Variants in FARS2 observed in about 807,000 individuals in gnomAD.
The protein encoded by FARS2 is phenylalanyl-tRNA synthetase 2, mitochondrial, also known as phenylalanine--tRNA ligase, mitochondrial.
A neutral mutation model predicts 46.4 loss-of-function variants in FARS2; 40 were observed. The ratio of observed to expected loss-of-function variants is 0.86; its 90% confidence interval spans 0.67 to 1.12. FARS2 has a LOEUF of 1.12. FARS2 is among the 50% of genes most tolerant of loss of function. FARS2 has a pLI of 0.00. For missense variants in FARS2, 513 were observed against 567.9 expected (o/e 0.90, Z 0.98); for synonymous variants, 234 against 214.9 (o/e 1.09, Z -0.78).
Position 5,363,538 on chromosome 6 carries a change from AAGAG to A in FARS2, c.-21-5005_-21-5002del, listed in dbSNP as rs889417316. 2.2e-4 allele frequency among the ~76,000 whole-genome samples: 34 copies of A among 152,090 alleles called. 1 individual carries two copies. Among genetic ancestry groups the A allele is most frequent in the Non-Finnish European group, 1.2e-4 (8 of 68,012 alleles). On this transcript the variant is annotated intron_variant, in intron 1 of 6. Coordinates refer to ENST00000274680, the MANE Select transcript of FARS2 (RefSeq NM_006567.5). ...ATTATGGGCATACGATGATAAATAT[AAGAG>A]AGAGAGGAGAGAAAGAGTATGTGTA...
intron 4 of FARS2, among the ~76,000 whole-genome samples, chr6:5,518,388 A>G (rs1768939601): frequency 6.6e-6 from 1 of 152,228 alleles, no homozygotes; most frequent in Non-Finnish European, 1.5e-5. Flanking sequence ...AAATGTTGAT[A>G]TAACTTGGAT....
chr6:5,353,058 A>C (rs982301129), intron 1 of FARS2, among the ~76,000 whole-genome samples: 1 of 152,142 alleles, frequency 6.6e-6, no homozygotes, highest in Non-Finnish European at 1.5e-5. Flanking sequence ...AGTCTCTCCC[A>C]ATCACACTTC....
intron 6 of FARS2, among the ~76,000 whole-genome samples, chr6:5,702,769 A>G (rs570004071): frequency 6.6e-6 from 1 of 152,154 alleles, no homozygotes; most frequent in Non-Finnish European, 1.5e-5. Context: ...GCTAACTAGG[A>G]TTTTATTTTG....
chr6:5,596,162 G>A (rs1036096512), intron 5 of FARS2, among the ~76,000 whole-genome samples: 9 of 152,180 alleles, frequency 5.9e-5, no homozygotes, highest in Non-Finnish European at 1.0e-4. Context: ...TGCCGCCACC[G>A]TTATACATTC....
chr6:5,472,435 G>T (rs1023046648), intron 4 of FARS2, among the ~76,000 whole-genome samples: 1 of 152,160 alleles, frequency 6.6e-6, no homozygotes, highest in African/African-American at 2.4e-5. Flanking sequence ...GAATGAGAAG[G>T]AGGAAAAATG....
At chr6:5,562,931 G>A (rs1772092323) in intron 5 of FARS2, among the ~76,000 whole-genome samples, 1 of 151,566 alleles carries the variant, frequency 6.6e-6, no homozygotes, top group South Asian at 2.1e-4. Context: ...AGCCTCCCGA[G>A]TAGCTGGGAT....
intron 1 of FARS2, among the ~76,000 whole-genome samples, chr6:5,354,508 G>A (rs973105935): frequency 6.6e-6 from 1 of 150,450 alleles, no homozygotes; most frequent in African/African-American, 2.5e-5. Context: ...TTCTATGCTA[G>A]TGGTTTCCTT....
At chr6:5,280,468 A>G (rs1161160864) in intron 1 of FARS2, among the ~76,000 whole-genome samples, 1 of 152,208 alleles carries the variant, frequency 6.6e-6, no homozygotes, top group Non-Finnish European at 1.5e-5. Context: ...TAACTTCGCC[A>G]TTGGAATAGA....
chr6:5,618,096 C>G (rs1482114258), intron 6 of FARS2, among the ~76,000 whole-genome samples: 1 of 152,132 alleles, frequency 6.6e-6, no homozygotes, highest in Non-Finnish European at 1.5e-5. Context: ...AACAAAGGAG[C>G]CTGGTTGTGT....
chr6:5,664,242 T>C (rs1259546856), intron 6 of FARS2, among the ~76,000 whole-genome samples: 1 of 152,216 alleles, frequency 6.6e-6, no homozygotes, highest in Non-Finnish European at 1.5e-5. Flanking sequence ...TCCCCTGTGC[T>C]GGAGAGGAGA....
At chr6:5,414,658 C>A (rs1430362626) in intron 3 of FARS2, among the ~76,000 whole-genome samples, 1 of 152,130 alleles carries the variant, frequency 6.6e-6, no homozygotes, top group East Asian at 1.9e-4. Context: ...TATTCATCCA[C>A]CTATTGTTGG....
At chr6:5,528,143 TG>T (rs2150446233) in intron 4 of FARS2, among the ~76,000 whole-genome samples, 1 of 152,290 alleles carries the variant, frequency 6.6e-6, no homozygotes, top group South Asian at 2.1e-4. Flanking sequence ...TATCTTCGTA[TG>T]TTTGTGTTTA....
intron 6 of FARS2, among the ~76,000 whole-genome samples, chr6:5,650,128 A>G (rs1033001495): frequency 6.6e-6 from 1 of 152,222 alleles, no homozygotes; most frequent in African/African-American, 2.4e-5. Context: ...TCACGGAGCA[A>G]AAGTGCAGGG....
intron 1 of FARS2, among the ~76,000 whole-genome samples, chr6:5,262,843 A>G (rs1173554372): frequency 2.0e-5 from 3 of 152,248 alleles, no homozygotes; most frequent in Non-Finnish European, 4.4e-5. Flanking sequence ...CTGGTTGGTC[A>G]GGTCATTGAG....
chr6:5,318,925 G>A (rs1581770727), intron 1 of FARS2, among the ~76,000 whole-genome samples: 1 of 152,106 alleles, frequency 6.6e-6, no homozygotes, highest in South Asian at 2.1e-4. Context: ...AGCCTGCATC[G>A]GCCTTAGGTT....
intron 4 of FARS2, among the ~76,000 whole-genome samples, chr6:5,521,113 T>A (rs908781195): frequency 3.4e-5 from 4 of 116,924 alleles, no homozygotes; most frequent in Admixed American, 9.3e-5. Context: ...TTTTAAATTA[T>A]TTTTTTTATT....
intron 3 of FARS2, among the ~76,000 whole-genome samples, chr6:5,422,237 A>G (rs1234044433): frequency 1.3e-5 from 2 of 152,162 alleles, no homozygotes; most frequent in Non-Finnish European, 2.9e-5. Flanking sequence ...ACCTGCCCCC[A>G]TGATTCAGTT....
chr6:5,296,129 C>CTTTT lies in FARS2; in HGVS notation c.-22+34496_-22+34499dup, dbSNP rs70974187. The stretch of plus-strand genomic sequence containing the variant: ...CAAACATAAAAATTATCATTTTGGC[C>CTTTT]TTTTTTTTTTTTTTTTTTTTTTTTT... On this transcript the variant is annotated intron_variant, in intron 1 of 6. Transcript: ENST00000274680. Among the ~76,000 whole-genome samples, 183 of 55,074 alleles carry CTTTT rather than the reference C, an allele frequency of 3.3e-3. 42 individuals carry two copies. Among genetic ancestry groups the CTTTT allele is most frequent in the African/African-American group, 0.012 (131 of 11,296 alleles). The allele number at this position is 55,074 out of a possible 152,430, so 36.1% of individuals were successfully genotyped here.
chr6:5,272,996 C>G (rs953401311), intron 1 of FARS2, among the ~76,000 whole-genome samples: 1 of 152,174 alleles, frequency 6.6e-6, no homozygotes, highest in Non-Finnish European at 1.5e-5. Context: ...TCATTCTTTT[C>G]TATAGCTGAA....
Sources: allele counts gnomAD v4.1 joint callset (sites outside exome capture counted in the v4.1 genomes callset), GRCh38; gene constraint gnomAD v4.1.1; transcripts MANE v1.5; gene names NCBI Gene and HGNC (gene_info 2026-07-23, HGNC 2026-07-21).